Variants in ACOT7 observed in about 807,000 individuals in gnomAD.
The protein encoded by ACOT7 is cytosolic acyl coenzyme A thioester hydrolase.
ACOT7 carries 12 observed loss-of-function variants against 40.2 expected under a neutral mutation model. The observed-to-expected ratio is 0.30, with a 90% CI of 0.19 to 0.48. ACOT7 has a LOEUF of 0.48. Among genes scored for constraint, ACOT7 ranks in the 20% least tolerant of loss-of-function variants. The pLI, the probability that ACOT7 is intolerant of heterozygous loss-of-function variation, is 0.99. For synonymous variants in ACOT7, 228 were observed against 219.5 expected, an observed-to-expected ratio of 1.04 and a Z score of -0.34; for missense variants, 395 against 530.8, an observed-to-expected ratio of 0.74 and a Z score of 2.51.
At chr1:6,392,673 C>T (rs1287612029) in intron 1 of ACOT7, among the ~76,000 whole-genome samples, 1 of 152,180 alleles carries the variant, frequency 6.6e-6, no homozygotes, top group Admixed American at 6.5e-5. Context: ...TCTGTTCTTC[C>T]TTTCAACACC....
At chr1:6,390,713 A>G (rs1480325482) in intron 1 of ACOT7, among the ~76,000 whole-genome samples, 1 of 151,830 alleles carries the variant, frequency 6.6e-6, no homozygotes, top group Non-Finnish European at 1.5e-5. Flanking sequence ...AGGCGGGCAG[A>G]TCACCTGAGG....
At position 6,264,332 on chromosome 1, in the gene ACOT7, C is replaced by G; in HGVS notation, c.*265G>C. The G allele has an allele frequency of 2.1e-6, 1 of 480,944 alleles. No individual in the cohort carries two copies. Among genetic ancestry groups the G allele is most frequent in the East Asian group, 3.8e-5 (1 of 26,446 alleles). The allele number at this position is 480,944 out of a possible 1,614,324, so 29.8% of individuals were successfully genotyped here. A position where few individuals can be genotyped will look rare whatever the true frequency, so the allele number is the denominator to read the frequency against. On this transcript the variant is annotated 3_prime_UTR_variant, in exon 9 of 9. Coordinates refer to ENST00000361521, the MANE Select transcript of ACOT7 (RefSeq NM_007274.4). ...TTCTTCCCATACCCTACAGCGTGCT[C>G]GGAAGCATTCCCGAGGGTTTCTGCC...
intron 8 of ACOT7, among the ~76,000 whole-genome samples, chr1:6,270,530 C>T (rs1639001270): frequency 6.6e-6 from 1 of 152,198 alleles, no homozygotes; most frequent in Admixed American, 6.5e-5. Flanking sequence ...GCTCAGGGCA[C>T]ATGACCCCCA....
intron 5 of ACOT7, among the ~76,000 whole-genome samples, chr1:6,319,638 C>A (rs1640589679): frequency 6.6e-6 from 1 of 152,224 alleles, no homozygotes; most frequent in Admixed American, 6.5e-5. Flanking sequence ...CATGGCTGTC[C>A]ATTTTTAGGG....
intron 1 of ACOT7, among the ~76,000 whole-genome samples, chr1:6,378,610 G>A (rs1031943121): frequency 6.6e-6 from 1 of 152,006 alleles, no homozygotes. Context: ...AAGGATTCAA[G>A]GCAGGGCACA....
rs997726734 is a variant in ACOT7 at position 6,288,872 on chromosome 1, G to A, written c.829+5992C>T. Among the ~76,000 whole-genome samples the A allele has an allele frequency of 6.6e-6, 1 of 152,230 alleles. No individual in the cohort carries two copies. The highest frequency in any genetic ancestry group is 2.4e-5 in the African/African-American group (1 of 41,456). On this transcript the variant is annotated intron_variant, in intron 7 of 8. Coordinates refer to ENST00000361521, the MANE Select transcript of ACOT7 (RefSeq NM_007274.4). This position sits in a 1 kb window ranked among gnomAD's most constrained non-coding sequence, Gnocchi z 4.3. ...ACCCCTGGGCCAATGTCTGGATGAA[G>A]CAAAGCTGTCCGTGTAACTTCCTGA...
chr1:6,271,966 G>T (rs1639048886), intron 8 of ACOT7, among the ~76,000 whole-genome samples: 1 of 152,276 alleles, frequency 6.6e-6, no homozygotes, highest in Non-Finnish European at 1.5e-5. Context: ...CCTCCTGCAG[G>T]CACGGAGTGC....
chr1:6,337,128 T>G (rs1641127713), intron 3 of ACOT7, among the ~76,000 whole-genome samples: 1 of 152,244 alleles, frequency 6.6e-6, no homozygotes, highest in Non-Finnish European at 1.5e-5. Context: ...GACAGCGCAA[T>G]GCCAGCCCTG....
At chr1:6,302,858 G>A (rs999478413) in intron 6 of ACOT7, among the ~76,000 whole-genome samples, 3 of 151,960 alleles carry the variant, frequency 2.0e-5, no homozygotes, top group African/African-American at 7.2e-5. Context: ...TGCGTGTAAA[G>A]ACTGCTACCA....
chr1:6,371,494 C>T (rs1642133126), intron 1 of ACOT7, among the ~76,000 whole-genome samples: 1 of 151,946 alleles, frequency 6.6e-6, no homozygotes, highest in African/African-American at 2.4e-5. Flanking sequence ...TCCTGAGTAG[C>T]TGGGACTACA....
intron 1 of ACOT7, among the ~76,000 whole-genome samples, chr1:6,386,383 G>C (rs1161994644): frequency 6.6e-6 from 1 of 152,134 alleles, no homozygotes; most frequent in East Asian, 1.9e-4. Flanking sequence ...AGAGTAGAGG[G>C]AGGAGGGAGT....
At chr1:6,281,391 C>A in intron 7 of ACOT7, 105 bp from the exon 8 acceptor site, 1 of 984,298 alleles carries the variant, frequency 1.0e-6, no homozygotes, top group Non-Finnish European at 1.6e-6. Flanking sequence ...TTAGGGGAAG[C>A]AGTGGCTTGG....
In ACOT7 at chr1:6,282,849, G is replaced by A. The variant is rs187663507; in HGVS notation, c.830-1563C>T. 3.3e-4 allele frequency: 417 copies of A among 1,254,816 alleles called. 1 individual carries two copies. The highest frequency in any genetic ancestry group is 6.7e-4 in the South Asian group (54 of 80,022). The allele number at this position is 1,254,816 out of a possible 1,614,324, so 77.7% of individuals were successfully genotyped here. A position where few individuals can be genotyped will look rare whatever the true frequency, so the allele number is the denominator to read the frequency against. ...CGCCCGCAGTCACAAGACGCACCCC[G>A]GGAGGAGGGCAGGCCATGGGTCAGG... On this transcript the variant is annotated intron_variant, in intron 7 of 8. Transcript: ENST00000361521. This position sits in a 1 kb window ranked among gnomAD's most constrained non-coding sequence, Gnocchi z 4.5.
chr1:6,295,136 T>G (rs1639777545), intron 6 of ACOT7, 156 bp from the exon 7 acceptor site: 5 of 521,756 alleles, frequency 9.6e-6, no homozygotes, highest in Admixed American at 3.4e-5. Context: ...GCACGTGCTG[T>G]GGCTCACGCG....
chr1:6,348,311 T>C lies in ACOT7; in HGVS notation c.261+1438A>G, dbSNP rs116125211. ...ACTGTGGCTTGGTTCATTCTACATA[T>C]GCACACACACATGCATACGCAGATA... is the stretch of plus-strand genomic sequence containing the variant. On this transcript the variant is annotated intron_variant, in intron 2 of 8. Coordinates refer to ENST00000361521, the MANE Select transcript of ACOT7 (RefSeq NM_007274.4). 5.5e-4 allele frequency among the ~76,000 whole-genome samples: 84 copies of C among 151,972 alleles called. 1 individual carries two copies. The highest frequency in any genetic ancestry group is 1.8e-3 in the African/African-American group (74 of 41,336).
intron 5 of ACOT7, among the ~76,000 whole-genome samples, chr1:6,320,516 A>G (rs2148423289): frequency 6.6e-6 from 1 of 152,306 alleles, no homozygotes; most frequent in East Asian, 1.9e-4. Flanking sequence ...TTGGTCCCGT[A>G]GCTCCATTAC....
intron 1 of ACOT7, among the ~76,000 whole-genome samples, chr1:6,373,718 A>T (rs2148475156): frequency 6.6e-6 from 1 of 152,194 alleles, no homozygotes; most frequent in South Asian, 2.1e-4. Flanking sequence ...TACAAAAATT[A>T]GCTGGGCACA....
At position 6,349,848 on chromosome 1, in the gene ACOT7, A is replaced by C; in HGVS notation, c.162T>G (p.Asp54Glu). ...CGTGGACATTGCCGGCCACGTTGGCATCATCTGGCCGCATGATCCTAGGGC... is the reference window on the plus strand; with the variant it reads ...CGTGGACATTGCCGGCCACGTTGGCCTCATCTGGCCGCATGATCCTAGGGC... ...IQICRIMRPDDANVAGNVHGG... is the reference protein window; with the variant it reads ...IQICRIMRPDEANVAGNVHGG... The change falls in exon 2 of 9, where the codon GAT (aspartate) becomes GAG (glutamate). Residue 54 changes from aspartate to glutamate, a missense_variant. Physicochemically the swap from Asp to Glu is conservative, Grantham distance 45. This residue lies in a region of ACOT7 where 309 missense variants were observed against 470.3 expected (regional missense o/e 0.66). Coordinates refer to ENST00000361521, the MANE Select transcript of ACOT7 (RefSeq NM_007274.4). 6.2e-7 allele frequency: 1 copy of C among 1,614,128 alleles called. No homozygotes were observed. Among genetic ancestry groups the C allele is most frequent in the South Asian group, 1.1e-5 (1 of 91,080 alleles).
At chr1:6,335,837 A>G (rs887644795) in intron 3 of ACOT7, among the ~76,000 whole-genome samples, 13 of 152,322 alleles carry the variant, frequency 8.5e-5, no homozygotes, top group Admixed American at 5.9e-4. Flanking sequence ...AAATATTTCC[A>G]CCGCACTTTG....
Sources: allele counts gnomAD v4.1 joint callset (sites outside exome capture counted in the v4.1 genomes callset), GRCh38; gene constraint gnomAD v4.1.1; regional missense constraint gnomAD v4.1.1; non-coding constraint Gnocchi (gnomAD v3.1); transcripts MANE v1.5; gene names NCBI Gene and HGNC (gene_info 2026-07-23, HGNC 2026-07-21).